Variants in SOCS2 observed in about 807,000 individuals in gnomAD.
SOCS2 encodes the protein CIS-2.
SOCS2 carries 10 observed loss-of-function variants against 18.6 expected under a neutral mutation model. That is an observed-to-expected ratio of 0.54 (90% confidence interval 0.33 to 0.91). The LOEUF is 0.91. SOCS2 is among the 40% of genes least tolerant of loss of function. The probability of loss-of-function intolerance (pLI) is 0.02; values close to 1 mark genes in which losing one functional copy is unlikely to be tolerated. For missense variants in SOCS2, 231 were observed against 247.2 expected, an observed-to-expected ratio of 0.93 and a Z score of 0.44; for synonymous variants, 104 against 104.0, an observed-to-expected ratio of 1.00 and a Z score of 0.00.
At position 93,575,412 on chromosome 12, in the gene SOCS2, A is replaced by G. The variant is rs551736430; in HGVS notation, c.*233A>G. On this transcript the variant is annotated 3_prime_UTR_variant, in exon 2 of 2. Transcript: ENST00000551556. ...TCCTAAGGCTGACCAAGACCTGTTGATCCTTTTAGATTAAAAATAAAATGT... is the reference window on the plus strand; with the variant it reads ...TCCTAAGGCTGACCAAGACCTGTTGGTCCTTTTAGATTAAAAATAAAATGT... The G allele has an allele frequency of 3.6e-5, 10 of 278,782 alleles. No homozygotes were observed. The highest frequency in any genetic ancestry group is 1.7e-4 in the African/African-American group (8 of 45,854). 17.3% of individuals were successfully genotyped at this position (278,782 alleles called of 1,614,324 possible).
the SOCS2 span, among the ~76,000 whole-genome samples, chr12:93,611,494 C>T: frequency 6.6e-6 from 1 of 152,174 alleles, no homozygotes; most frequent in Admixed American, 6.5e-5. Context: ...GCCTCGGCCT[C>T]CCAAAGTGCT....
chr12:93,591,714 C>G, the SOCS2 span, among the ~76,000 whole-genome samples: 2 of 152,180 alleles, frequency 1.3e-5, no homozygotes, highest in Non-Finnish European at 2.9e-5. Context: ...CTTATGTAAC[C>G]CAGCGTCGGC....
Position 93,576,694 on chromosome 12 carries a change from T to C in SOCS2, c.*1515T>C, listed in dbSNP as rs749022359. On this transcript the variant is annotated 3_prime_UTR_variant, in exon 2 of 2. Transcript: ENST00000551556. ...GGTGTGTCACCATAAAGGTGGACCCTGTGTGAATGAGAAAATTCAGTTATA... is the reference window on the plus strand; with the variant it reads ...GGTGTGTCACCATAAAGGTGGACCCCGTGTGAATGAGAAAATTCAGTTATA... The C allele has an allele frequency of 2.0e-5, 3 of 152,264 alleles. No homozygotes were observed. The highest frequency in any genetic ancestry group is 4.4e-5 in the Non-Finnish European group (3 of 68,048). The allele number at this position is 152,264 out of a possible 1,614,324, so 9.4% of individuals were successfully genotyped here. A position where few individuals can be genotyped will look rare whatever the true frequency, so the allele number is the denominator to read the frequency against.
the SOCS2 span, among the ~76,000 whole-genome samples, chr12:93,608,849 C>T: frequency 6.6e-6 from 1 of 152,258 alleles, no homozygotes; most frequent in Admixed American, 6.5e-5. Context: ...TCCCTGAACC[C>T]CAAAATACTC....
Position 93,574,974 on chromosome 12 carries a change from A to G in SOCS2, c.392A>G (p.Gln131Arg). Residue 131 changes from glutamine (Q) to arginine (R), a missense_variant, in exon 2 of 2, where the codon CAG becomes CGG. By Grantham distance (43) the Gln-to-Arg change is conservative (BLOSUM62 1). Transcript: ENST00000551556. ...GTTCATCTGATCGACTACTATGTTC[A>G]GATGTGCAAGGATAAGCGGACAGGT... ...SVVHLIDYYV[Q>R]MCKDKRTGPE... 6.2e-7 allele frequency: 1 copy of G among 1,614,186 alleles called. No individual in the cohort carries two copies. Among genetic ancestry groups the G allele is most frequent in the Non-Finnish European group, 8.5e-7 (1 of 1,180,036 alleles).
upstream of SOCS2, chr12:93,572,101 C>T (rs1229079872): frequency 5.8e-6 from 1 of 173,046 alleles, no homozygotes; most frequent in Non-Finnish European, 1.2e-5. This position sits in a 1 kb window ranked among gnomAD's most constrained non-coding sequence, Gnocchi z 5.0. Flanking sequence ...CCCAACCCCG[C>T]CAGAGCGGGC....
At chr12:93,609,929 G>A in the SOCS2 span, among the ~76,000 whole-genome samples, 5 of 152,294 alleles carry the variant, frequency 3.3e-5, no homozygotes, top group East Asian at 9.6e-4. Context: ...TCCCATGGTG[G>A]AAGGTGGAAG....
chr12:93,600,215 AC>A, the SOCS2 span, among the ~76,000 whole-genome samples: 1 of 152,222 alleles, frequency 6.6e-6, no homozygotes, highest in African/African-American at 2.4e-5. Flanking sequence ...AAATGAACTA[AC>A]CCAGTACCAC....
chr12:93,590,572 G>A, the SOCS2 span, among the ~76,000 whole-genome samples: 1 of 151,432 alleles, frequency 6.6e-6, no homozygotes, highest in Non-Finnish European at 1.5e-5. Flanking sequence ...CGAAGTGGGC[G>A]GATCACGAGG....
At chr12:93,602,405 T>G in the SOCS2 span, among the ~76,000 whole-genome samples, 1 of 152,120 alleles carries the variant, frequency 6.6e-6, no homozygotes, top group Non-Finnish European at 1.5e-5. Flanking sequence ...CAATCCTCAG[T>G]ATTTGTAGCA....
At chr12:93,579,502 G>A (rs960285183), downstream of SOCS2, among the ~76,000 whole-genome samples, 6 of 151,834 alleles carry the variant, frequency 4.0e-5, no homozygotes, top group African/African-American at 1.5e-4. Flanking sequence ...TCCTTTTTCA[G>A]TGTTAAGTTA....
At chr12:93,610,656 G>A in the SOCS2 span, among the ~76,000 whole-genome samples, 1 of 152,116 alleles carries the variant, frequency 6.6e-6, no homozygotes, top group Non-Finnish European at 1.5e-5. Context: ...GAGGTAGAAG[G>A]GAGTGCCCTA....
chr12:93,573,329 C>T (rs190466108), intron 1 of SOCS2: 1 of 505,454 alleles, frequency 2.0e-6, no homozygotes, highest in East Asian at 3.2e-5. Flanking sequence ...GGGTTAGGCT[C>T]CCGGGCTCGA....
chr12:93,611,198 A>G, the SOCS2 span, among the ~76,000 whole-genome samples: 1 of 152,094 alleles, frequency 6.6e-6, no homozygotes, highest in African/African-American at 2.4e-5. Flanking sequence ...TTTTGCTTAC[A>G]TATCCCTTTT....
chr12:93,589,323 A>T, the SOCS2 span, among the ~76,000 whole-genome samples: 7 of 152,214 alleles, frequency 4.6e-5, no homozygotes, highest in Non-Finnish European at 8.8e-5. Flanking sequence ...TAGTTACAGA[A>T]ATTATACCAA....
chr12:93,575,171 C>A lies in SOCS2; in HGVS notation c.589C>A (p.Gln197Lys). The change falls in exon 2 of 2, where the codon CAG becomes AAG. Residue 197 changes from glutamine to lysine, a missense_variant. Transcript: ENST00000551556. ...AGATTACTTGGAAGAATATAAATTC[C>A]AGGTATAAATGTTTCTCTTTTTTTA... ...LKDYLEEYKF[Q>K]V is the part of the protein sequence containing the mutation. 1 of 1,540,134 alleles carries A rather than the reference C, an allele frequency of 6.5e-7. No individual in the cohort carries two copies. Among genetic ancestry groups the A allele is most frequent in the Non-Finnish European group, 8.7e-7 (1 of 1,148,282 alleles).
At chr12:93,590,816 A>G in the SOCS2 span, among the ~76,000 whole-genome samples, 2 of 140,744 alleles carry the variant, frequency 1.4e-5, no homozygotes, top group African/African-American at 2.6e-5. Context: ...AAAAAAAAAA[A>G]AAAAAAGTTA....
intron 1 of SOCS2, chr12:93,573,463 G>A (rs1340225752): frequency 2.9e-6 from 1 of 342,746 alleles, no homozygotes; most frequent in Non-Finnish European, 5.2e-6. Context: ...TGCAGCCCAG[G>A]ATCTTGGCGG....
chr12:93,574,204 C>CTTTTTTTT (rs869212617), intron 1 of SOCS2: 1 of 76,974 alleles, frequency 1.3e-5, no homozygotes, highest in African/African-American at 5.4e-5. Context: ...TTTGCAGATT[C>CTTTTTTTT]TTTTTTTTTT....
Sources: gnomAD v4.1 joint callset for allele counts (sites outside exome capture counted in the v4.1 genomes callset) on GRCh38, gnomAD v4.1.1 for gene constraint, Gnocchi (gnomAD v3.1) non-coding constraint, MANE v1.5 for transcripts, NCBI Gene and HGNC (gene_info 2026-07-23, HGNC 2026-07-21) for gene names.